Variants in ZCCHC4 observed in about 807,000 individuals in gnomAD.
ZCCHC4 encodes the protein rRNA N(6)-adenosine-methyltransferase ZCCHC4.
Under a neutral mutation model 67.7 loss-of-function variants are expected in ZCCHC4, and 54 were observed. The observed-to-expected ratio is 0.80, with a 90% CI of 0.64 to 1.00. The LOEUF is 1.00. Among genes scored for constraint, ZCCHC4 ranks in the 50% least tolerant of loss-of-function variants. The pLI, the probability that ZCCHC4 is intolerant of heterozygous loss-of-function variation, is 0.00. For missense variants in ZCCHC4, 609 were observed against 617.0 expected (o/e 0.99, Z 0.14); for synonymous variants, 198 against 213.5 (o/e 0.93, Z 0.63).
chr4:25,369,373 A>G lies in ZCCHC4; in HGVS notation c.*209A>G. On this transcript the variant is annotated 3_prime_UTR_variant, in exon 13 of 13. Transcript: ENST00000302874. Reference sequence around the variant, plus strand: ...TTGTTCCATCTTCAGCCAGTTTACTAGTTCTTTCAGCATTCATTTTTCCTC... The same window carrying G: ...TTGTTCCATCTTCAGCCAGTTTACTGGTTCTTTCAGCATTCATTTTTCCTC... 1 of 556,762 alleles carries G rather than the reference A, an allele frequency of 1.8e-6. No homozygotes were observed. The highest frequency in any genetic ancestry group is 2.4e-5 in the South Asian group (1 of 41,312). The allele number at this position is 556,762 out of a possible 1,614,324, so 34.5% of individuals were successfully genotyped here. A position where few individuals can be genotyped will look rare whatever the true frequency, so the allele number is the denominator to read the frequency against.
intron 8 of ZCCHC4, among the ~76,000 whole-genome samples, chr4:25,357,069 A>AT (rs1298221459): frequency 6.6e-6 from 1 of 152,114 alleles, no homozygotes. Context: ...TCGTTAGAAA[A>AT]TTTTCTCATA....
At position 25,325,137 on chromosome 4, in the gene ZCCHC4, G is replaced by T. The variant is rs1320624325; in HGVS notation, c.330-8046G>T. ...GGGCGCCTGTAGTCCCAGCTACTCG[G>T]GAGGCTGAGGCAGGAGAATGGCGTG... On this transcript the variant is annotated intron_variant, in intron 3 of 12. Transcript: ENST00000302874. Among the ~76,000 whole-genome samples, 6 of 122,924 alleles carry T rather than the reference G, an allele frequency of 4.9e-5. 1 individual carries two copies. Among genetic ancestry groups the T allele is most frequent in the African/African-American group, 1.6e-4 (6 of 38,508 alleles). The allele number at this position is 122,924 out of a possible 152,430, so 80.6% of individuals were successfully genotyped here.
intron 3 of ZCCHC4, among the ~76,000 whole-genome samples, chr4:25,322,170 A>T (rs1004557531): frequency 6.6e-6 from 1 of 152,044 alleles, no homozygotes; most frequent in Non-Finnish European, 1.5e-5. Flanking sequence ...CTTTTTATTT[A>T]TTTGTTTGTT....
chr4:25,337,855 T>G (rs1339226171), intron 5 of ZCCHC4, among the ~76,000 whole-genome samples: 2 of 152,186 alleles, frequency 1.3e-5, no homozygotes, highest in Non-Finnish European at 2.9e-5. Context: ...TTTTTCAAGC[T>G]ATTTTTAGTG....
At chr4:25,349,799 A>G (rs1473286859) in intron 7 of ZCCHC4, 157 bp downstream of exon 7, 1 of 702,550 alleles carries the variant, frequency 1.4e-6, no homozygotes, top group African/African-American at 1.8e-5. Flanking sequence ...AAACTTCATT[A>G]TCATGATATA....
intron 3 of ZCCHC4, among the ~76,000 whole-genome samples, chr4:25,317,747 A>G (rs1718345330): frequency 6.7e-6 from 1 of 149,646 alleles, no homozygotes; most frequent in Non-Finnish European, 1.5e-5. Flanking sequence ...AAAATGGAGC[A>G]CTACTGTGAG....
At chr4:25,334,930 T>C (rs1180488715) in intron 5 of ZCCHC4, among the ~76,000 whole-genome samples, 2 of 151,942 alleles carry the variant, frequency 1.3e-5, no homozygotes, top group East Asian at 3.9e-4. Flanking sequence ...CTCAAACTCC[T>C]GGGGTCAGGC....
intron 8 of ZCCHC4, among the ~76,000 whole-genome samples, chr4:25,360,708 A>G (rs1720695803): frequency 1.3e-5 from 2 of 152,228 alleles, no homozygotes. Context: ...TGGGACCTGT[A>G]GTCCTAATGC....
intron 8 of ZCCHC4, 91 bp downstream of exon 8, chr4:25,351,780 C>A: frequency 1.6e-6 from 2 of 1,220,170 alleles, no homozygotes; most frequent in Non-Finnish European, 2.3e-6. Context: ...TAGTAAAATA[C>A]AATGAGCTGT....
At chr4:25,313,066 C>A in intron 1 of ZCCHC4, 130 bp downstream of exon 1, 2 of 1,326,526 alleles carry the variant, frequency 1.5e-6, no homozygotes, top group South Asian at 2.8e-5. Flanking sequence ...AGAAAATACT[C>A]CTTCCTCGGA....
At chr4:25,337,798 A>G (rs987285173) in intron 5 of ZCCHC4, among the ~76,000 whole-genome samples, 1 of 152,164 alleles carries the variant, frequency 6.6e-6, no homozygotes, top group African/African-American at 2.4e-5. Context: ...ATGGTTTTGA[A>G]TTTACATTAA....
intron 5 of ZCCHC4, among the ~76,000 whole-genome samples, chr4:25,344,755 G>A (rs1719924406): frequency 6.7e-6 from 1 of 150,286 alleles, no homozygotes. Context: ...ATATTGAAAA[G>A]CATATTTTAT....
At chr4:25,343,464 T>C (rs1719848311) in intron 5 of ZCCHC4, among the ~76,000 whole-genome samples, 1 of 152,250 alleles carries the variant, frequency 6.6e-6, no homozygotes, top group Admixed American at 6.5e-5. Flanking sequence ...TTTACGCTGC[T>C]AATTATTAAA....
chr4:25,365,425 CT>C (rs1281313800), intron 12 of ZCCHC4: 1 of 1,222,094 alleles, frequency 8.2e-7, no homozygotes, highest in Non-Finnish European at 1.0e-6. Context: ...TTTACCTCTC[CT>C]TGGCTTTACG....
Position 25,362,265 on chromosome 4 carries a change from TCAACAC to T in ZCCHC4, c.1174_1179del (p.Gln392_His393del), listed in dbSNP as rs1720770873. ...GTCAACGGTATGTTTCTCTAGAGAA[TCAACAC>T]TGTGAGCTCTGTAATTCTTGCACAT... is the stretch of plus-strand genomic sequence containing the variant. On this transcript the variant is annotated inframe_deletion, in exon 10 of 13. Coordinates refer to ENST00000302874, the MANE Select transcript of ZCCHC4 (RefSeq NM_024936.3). The T allele has an allele frequency of 8.7e-6, 14 of 1,611,496 alleles. No individual in the cohort carries two copies. Among genetic ancestry groups the T allele is most frequent in the Non-Finnish European group, 1.2e-5 (14 of 1,178,562 alleles).
chr4:25,317,168 TC>T (rs1229727669), intron 3 of ZCCHC4, among the ~76,000 whole-genome samples: 1 of 152,176 alleles, frequency 6.6e-6, no homozygotes, highest in Non-Finnish European at 1.5e-5. Flanking sequence ...GGCAGCTCCT[TC>T]ATTTTACCTG....
chr4:25,323,341 T>C (rs1279829799), intron 3 of ZCCHC4, among the ~76,000 whole-genome samples: 1 of 152,172 alleles, frequency 6.6e-6, no homozygotes. Context: ...TAACTAGTTT[T>C]TAGAAAAATG....
At chr4:25,317,736 GA>G (rs1718343468) in intron 3 of ZCCHC4, among the ~76,000 whole-genome samples, 1 of 105,760 alleles carries the variant, frequency 9.5e-6, no homozygotes, top group African/African-American at 2.9e-5. Context: ...AGAAAGAAAA[GA>G]AAATGGAGCA....
At chr4:25,367,052 A>G (rs898451206) in intron 12 of ZCCHC4, among the ~76,000 whole-genome samples, 2 of 152,124 alleles carry the variant, frequency 1.3e-5, no homozygotes, top group African/African-American at 4.8e-5. Context: ...ACAAAGCAAA[A>G]TTATTTTTTT....
Sources: allele counts gnomAD v4.1 joint callset (sites outside exome capture counted in the v4.1 genomes callset), GRCh38; gene constraint gnomAD v4.1.1; transcripts MANE v1.5; gene names NCBI Gene and HGNC (gene_info 2026-07-23, HGNC 2026-07-21).